Variants in KCTD16 observed in about 807,000 individuals in gnomAD.
The protein encoded by KCTD16 is BTB/POZ domain-containing protein KCTD16.
KCTD16 carries 13 observed loss-of-function variants against 33.2 expected under a neutral mutation model. The ratio of observed to expected loss-of-function variants is 0.39; its 90% CI spans 0.25 to 0.62. The LOEUF (loss-of-function observed/expected upper bound fraction) is 0.62, where lower values mean the gene tolerates loss of function less well. KCTD16 is among the 20% of genes least tolerant of loss of function. The pLI, the probability that KCTD16 is intolerant of heterozygous loss-of-function variation, is 0.50. For missense variants in KCTD16, 441 were observed against 525.1 expected, an observed-to-expected ratio of 0.84 and a Z score of 1.57; for synonymous variants, 197 against 195.3, an observed-to-expected ratio of 1.01 and a Z score of -0.07.
intron 3 of KCTD16, among the ~76,000 whole-genome samples, chr5:144,408,418 G>A (rs546044657): frequency 2.0e-5 from 3 of 152,302 alleles, no homozygotes; most frequent in African/African-American, 7.2e-5. Context: ...ATTGCACTGA[G>A]TGTACAGTCA....
chr5:144,177,941 C>A (rs547852924), intron 2 of KCTD16, among the ~76,000 whole-genome samples: 1 of 152,134 alleles, frequency 6.6e-6, no homozygotes, highest in South Asian at 2.1e-4. Flanking sequence ...ATCAGCTATT[C>A]ATGTCAATGT....
At chr5:144,442,367 C>G (rs949719459) in intron 3 of KCTD16, among the ~76,000 whole-genome samples, 2 of 152,088 alleles carry the variant, frequency 1.3e-5, no homozygotes, top group Non-Finnish European at 2.9e-5. Context: ...GATGCCACAG[C>G]CTTGTGACTA....
chr5:144,452,378 C>T (rs888956153), intron 3 of KCTD16, among the ~76,000 whole-genome samples: 2 of 151,450 alleles, frequency 1.3e-5, no homozygotes, highest in African/African-American at 4.9e-5. Context: ...GCAGTTATAA[C>T]ACAACAATCT....
intron 3 of KCTD16, among the ~76,000 whole-genome samples, chr5:144,232,161 A>G (rs1306051260): frequency 6.6e-6 from 1 of 152,198 alleles, no homozygotes; most frequent in African/African-American, 2.4e-5. Context: ...CCCTTCATTA[A>G]GAACAAAGAA....
At chr5:144,407,785 A>T (rs1396545979) in intron 3 of KCTD16, among the ~76,000 whole-genome samples, 1 of 152,076 alleles carries the variant, frequency 6.6e-6, no homozygotes, top group Non-Finnish European at 1.5e-5. Context: ...ATGAGTGAGA[A>T]TGTGCAGTGT....
chr5:144,211,231 G>C (rs1753381366), intron 3 of KCTD16, among the ~76,000 whole-genome samples: 1 of 152,118 alleles, frequency 6.6e-6, no homozygotes, highest in Non-Finnish European at 1.5e-5. Flanking sequence ...TTTGGCCACT[G>C]TGAATAATTT....
intron 3 of KCTD16, among the ~76,000 whole-genome samples, chr5:144,215,045 G>C (rs1753516728): frequency 6.6e-6 from 1 of 152,072 alleles, no homozygotes; most frequent in African/African-American, 2.4e-5. Flanking sequence ...AGAACTGGAG[G>C]GCAGTGATGG....
intron 3 of KCTD16, among the ~76,000 whole-genome samples, chr5:144,410,269 G>T (rs1163895926): frequency 6.6e-6 from 1 of 152,076 alleles, no homozygotes; most frequent in African/African-American, 2.4e-5. Context: ...TCAAACAAAA[G>T]GTCCAGAATA....
intron 3 of KCTD16, among the ~76,000 whole-genome samples, chr5:144,435,717 A>G (rs1753560432): frequency 6.6e-6 from 1 of 152,142 alleles, no homozygotes; most frequent in Non-Finnish European, 1.5e-5. Context: ...TTGTAATAGT[A>G]TCAGACAATT....
At chr5:144,401,618 A>G (rs952001009) in intron 3 of KCTD16, among the ~76,000 whole-genome samples, 1 of 152,184 alleles carries the variant, frequency 6.6e-6, no homozygotes, top group Admixed American at 6.6e-5. Context: ...AGAAGGATGG[A>G]TGTTTGCAAT....
chr5:144,332,561 A>T (rs1481814182), intron 3 of KCTD16, among the ~76,000 whole-genome samples: 1 of 152,204 alleles, frequency 6.6e-6, no homozygotes, highest in Admixed American at 6.5e-5. Flanking sequence ...AAATAGAAGG[A>T]TTAATTTAAA....
intron 3 of KCTD16, among the ~76,000 whole-genome samples, chr5:144,439,965 T>A (rs1753666485): frequency 6.6e-6 from 1 of 150,938 alleles, no homozygotes; most frequent in Non-Finnish European, 1.5e-5. Context: ...AAAAAAAACA[T>A]ATTTAAAAAA....
At chr5:144,362,673 G>A (rs1751740311) in intron 3 of KCTD16, among the ~76,000 whole-genome samples, 1 of 152,158 alleles carries the variant, frequency 6.6e-6, no homozygotes, top group Non-Finnish European at 1.5e-5. Context: ...AAAATCACCT[G>A]GCACCTAGTA....
intron 3 of KCTD16, among the ~76,000 whole-genome samples, chr5:144,411,576 A>C (rs1752934196): frequency 6.6e-6 from 1 of 152,180 alleles, no homozygotes; most frequent in African/African-American, 2.4e-5. Context: ...GCAATTATTG[A>C]AGTGTTAGAG....
At chr5:144,281,969 T>C (rs1327949009) in intron 3 of KCTD16, among the ~76,000 whole-genome samples, 1 of 152,248 alleles carries the variant, frequency 6.6e-6, no homozygotes, top group Non-Finnish European at 1.5e-5. Flanking sequence ...GGTGTGATAT[T>C]GTGAAATACA....
chr5:144,286,470 A>C (rs907759730), intron 3 of KCTD16, among the ~76,000 whole-genome samples: 1 of 152,222 alleles, frequency 6.6e-6, no homozygotes, highest in Non-Finnish European at 1.5e-5. Context: ...CTTATACTGC[A>C]AGCCTTAAAT....
chr5:144,443,954 A>C (rs948160696), intron 3 of KCTD16, among the ~76,000 whole-genome samples: 1 of 152,072 alleles, frequency 6.6e-6, no homozygotes, highest in African/African-American at 2.4e-5. Context: ...TTTTGACATG[A>C]CTTTGGTAAT....
intron 3 of KCTD16, among the ~76,000 whole-genome samples, chr5:144,335,720 T>C (rs917132741): frequency 1.3e-5 from 2 of 152,078 alleles, no homozygotes; most frequent in Admixed American, 1.3e-4. Flanking sequence ...AAACCAATAT[T>C]GAAACAGAAA....
intron 3 of KCTD16, among the ~76,000 whole-genome samples, chr5:144,318,931 A>C (rs952987764): frequency 1.2e-4 from 19 of 152,210 alleles, no homozygotes; most frequent in Admixed American, 6.5e-5. Context: ...TTAAAGTAGG[A>C]ATACAAGTTT....
Sources: allele counts gnomAD v4.1 joint callset (sites outside exome capture counted in the v4.1 genomes callset), GRCh38; gene constraint gnomAD v4.1.1; transcripts MANE v1.5; gene names NCBI Gene and HGNC (gene_info 2026-07-23, HGNC 2026-07-21).